Variants in ANKS1B observed in about 807,000 individuals in gnomAD.
The protein encoded by ANKS1B is ankyrin repeat and sterile alpha motif domain-containing protein 1B.
A neutral mutation model predicts 148.3 loss-of-function variants in ANKS1B; 36 were observed. The ratio of observed to expected loss-of-function variants is 0.24; its 90% confidence interval spans 0.19 to 0.32. The LOEUF (loss-of-function observed/expected upper bound fraction) is 0.32. Among genes scored for constraint, ANKS1B ranks in the 10% least tolerant of loss-of-function variants. The pLI, the probability that ANKS1B is intolerant of heterozygous loss-of-function variation, is 1.00. For synonymous variants in ANKS1B, 542 were observed against 560.8 expected (o/e 0.97, Z 0.47); for missense variants, 1,157 against 1,542.6 (o/e 0.75, Z 4.19).
At chr12:99,345,046 A>C (rs981525312) in intron 12 of ANKS1B, 11 of 152,096 alleles carry the variant, frequency 7.2e-5, no homozygotes, top group African/African-American at 2.7e-4. Flanking sequence ...ATTCTGAAAA[A>C]GACAACCTGG....
chr12:98,853,142 AG>A (rs778945941), intron 17 of ANKS1B, among the ~76,000 whole-genome samples: 3 of 152,186 alleles, frequency 2.0e-5, no homozygotes, highest in Non-Finnish European at 4.4e-5. Flanking sequence ...GAGCAGGTTG[AG>A]GTTTTTCTGT....
chr12:99,496,938 A>G (rs2096610151), intron 10 of ANKS1B, among the ~76,000 whole-genome samples: 1 of 152,254 alleles, frequency 6.6e-6, no homozygotes, highest in African/African-American at 2.4e-5. Flanking sequence ...CTGTGGCCCA[A>G]GCATCCTCAA....
chr12:99,295,583 A>G (rs2080752254), intron 12 of ANKS1B, among the ~76,000 whole-genome samples: 1 of 152,116 alleles, frequency 6.6e-6, no homozygotes, highest in South Asian at 2.1e-4. Context: ...TTTTTCTTTT[A>G]TGGATTATAC....
intron 14 of ANKS1B, among the ~76,000 whole-genome samples, chr12:99,159,173 A>G (rs1360805773): frequency 3.9e-5 from 6 of 152,178 alleles, no homozygotes; most frequent in Non-Finnish European, 7.3e-5. Flanking sequence ...GAGTCAGTTT[A>G]TAAGAACAAA....
intron 12 of ANKS1B, among the ~76,000 whole-genome samples, chr12:99,310,726 G>C (rs933961809): frequency 6.6e-6 from 1 of 152,086 alleles, no homozygotes; most frequent in African/African-American, 2.4e-5. Context: ...TATAGATCTT[G>C]GGAGTTGCCT....
chr12:99,117,298 C>G (rs536680431), intron 15 of ANKS1B, among the ~76,000 whole-genome samples: 1 of 152,234 alleles, frequency 6.6e-6, no homozygotes, highest in South Asian at 2.1e-4. Context: ...GGAATGCTTC[C>G]AGTTTTTGCC....
chr12:99,792,382 CCCATTCTACAAGG>C (rs1469352143), intron 4 of ANKS1B, among the ~76,000 whole-genome samples: 53 of 151,870 alleles, frequency 3.5e-4, no homozygotes, highest in Admixed American at 3.5e-3. Flanking sequence ...TACTTACAAA[CCCATTCTACAAGG>C]CCAGTATTAA....
At chr12:99,566,609 C>T (rs771330753) in intron 9 of ANKS1B, among the ~76,000 whole-genome samples, 2 of 152,078 alleles carry the variant, frequency 1.3e-5, no homozygotes, top group African/African-American at 2.4e-5. Flanking sequence ...TAGATAATGT[C>T]ATCAGGGTAC....
intron 17 of ANKS1B, among the ~76,000 whole-genome samples, chr12:98,990,146 G>T (rs2099925723): frequency 6.6e-6 from 1 of 152,186 alleles, no homozygotes; most frequent in Admixed American, 6.5e-5. Flanking sequence ...TCCAATCCAT[G>T]TGCATGAGAT....
chr12:99,278,312 G>A (rs1027278187), intron 12 of ANKS1B, among the ~76,000 whole-genome samples: 4 of 152,124 alleles, frequency 2.6e-5, no homozygotes, highest in South Asian at 4.1e-4. Context: ...GGCTGACTTC[G>A]GAAGCCATGT....
intron 9 of ANKS1B, among the ~76,000 whole-genome samples, chr12:99,626,193 T>C (rs2098111587): frequency 6.6e-6 from 1 of 152,190 alleles, no homozygotes; most frequent in Non-Finnish European, 1.5e-5. Context: ...GCTAAATATA[T>C]GTTGCAAAAA....
intron 9 of ANKS1B, among the ~76,000 whole-genome samples, chr12:99,637,596 A>G (rs570905887): frequency 1.3e-5 from 2 of 152,132 alleles, no homozygotes; most frequent in South Asian, 2.1e-4. Flanking sequence ...CAGGCAGAAG[A>G]ACGTGAAAAG....
intron 9 of ANKS1B, among the ~76,000 whole-genome samples, chr12:99,572,980 A>G (rs957222005): frequency 6.6e-6 from 1 of 152,084 alleles, no homozygotes; most frequent in Non-Finnish European, 1.5e-5. Context: ...ATTCATTATT[A>G]TCATCTCCAT....
At chr12:99,411,978 G>T (rs776982786) in intron 11 of ANKS1B, among the ~76,000 whole-genome samples, 1 of 152,156 alleles carries the variant, frequency 6.6e-6, no homozygotes, top group Non-Finnish European at 1.5e-5. Flanking sequence ...AGCCTCTGGG[G>T]ATACATCAAT....
At chr12:99,087,944 G>C (rs1755785780) in intron 15 of ANKS1B, among the ~76,000 whole-genome samples, 1 of 152,066 alleles carries the variant, frequency 6.6e-6, no homozygotes, top group South Asian at 2.1e-4. Flanking sequence ...CAGTAAGAGA[G>C]GAGTCCTTTT....
At chr12:99,099,000 T>G (rs1213331313) in intron 15 of ANKS1B, among the ~76,000 whole-genome samples, 2 of 152,204 alleles carry the variant, frequency 1.3e-5, no homozygotes, top group African/African-American at 4.8e-5. Flanking sequence ...GAGGTCTTGC[T>G]TCCTGCTGCA....
intron 9 of ANKS1B, among the ~76,000 whole-genome samples, chr12:99,505,036 T>C (rs763321494): frequency 1.3e-5 from 2 of 151,968 alleles, no homozygotes; most frequent in African/African-American, 2.4e-5. Context: ...AGATGTAAGA[T>C]GAAGTTTGCT....
At chr12:99,187,365 GAAC>G (rs928467018) in intron 14 of ANKS1B, among the ~76,000 whole-genome samples, 1 of 151,992 alleles carries the variant, frequency 6.6e-6, no homozygotes, top group African/African-American at 2.4e-5. Context: ...TTCATGAGAA[GAAC>G]AACCCCAAGA....
intron 1 of ANKS1B, among the ~76,000 whole-genome samples, chr12:99,948,431 T>A (rs1334473091): frequency 6.6e-6 from 1 of 151,650 alleles, no homozygotes; most frequent in South Asian, 2.1e-4. Context: ...TTATGCCAAC[T>A]ATTTACTTTG....
Sources: allele counts gnomAD v4.1 joint callset (sites outside exome capture counted in the v4.1 genomes callset), GRCh38; gene constraint gnomAD v4.1.1; transcripts MANE v1.5; gene names NCBI Gene and HGNC (gene_info 2026-07-23, HGNC 2026-07-21).